Variants in ALKBH1 observed in about 807,000 individuals in gnomAD.
The protein encoded by ALKBH1 is alkB homolog 1, histone H2A dioxygenase.
A neutral mutation model predicts 36.6 loss-of-function variants in ALKBH1; 31 were observed. The observed-to-expected ratio is 0.85, with a 90% confidence interval of 0.64 to 1.14. The LOEUF (loss-of-function observed/expected upper bound fraction) is 1.14. Ranked by LOEUF, ALKBH1 falls within the 50% of genes most tolerant of loss-of-function variation. The pLI, the probability that ALKBH1 is intolerant of heterozygous loss-of-function variation, is 0.00. For missense variants in ALKBH1, 490 were observed against 497.3 expected (o/e 0.99, Z 0.14); for synonymous variants, 183 against 186.6 (o/e 0.98, Z 0.16).
At position 77,695,914 on chromosome 14, in the gene ALKBH1, G is replaced by A. The variant is rs111464055; in HGVS notation, c.293-1014C>T. Among the ~76,000 whole-genome samples, 936 of 152,112 alleles carry A rather than the reference G, an allele frequency of 6.2e-3. 9 individuals are homozygous for A. Among genetic ancestry groups the A allele is most frequent in the African/African-American group, 0.022 (906 of 41,500 alleles). On this transcript the variant is annotated intron_variant, in intron 2 of 5. Coordinates refer to ENST00000216489, the MANE Select transcript of ALKBH1 (RefSeq NM_006020.3). ...GTTTGAGACCAGCCTCGCCAACATG[G>A]TGAAACCGTCTGTACTAAAATACAA...
At chr14:77,702,888 C>A (rs1420019702) in intron 2 of ALKBH1, among the ~76,000 whole-genome samples, 1 of 152,080 alleles carries the variant, frequency 6.6e-6, no homozygotes, top group Non-Finnish European at 1.5e-5. Flanking sequence ...GGTGAGGTGT[C>A]TCACGCCTGT....
Position 77,707,983 on chromosome 14 carries a change from CG to C in ALKBH1, c.21del (p.Val8TrpfsTer55). 6.2e-7 allele frequency: 1 copy of C among 1,610,958 alleles called. No individual in the cohort carries two copies. Among genetic ancestry groups the C allele is most frequent in the Non-Finnish European group, 8.5e-7 (1 of 1,178,360 alleles). The part of the protein sequence containing the change: MGKMAA[A>X]VGSVATLATE... Reference sequence around the variant, plus strand: ...GTCGCCAGAGTCGCCACAGAGCCCACGGCCGCTGCCATCTTCCCCATCTCGC... The same window carrying C: ...GTCGCCAGAGTCGCCACAGAGCCCACGCCGCTGCCATCTTCCCCATCTCGC... On this transcript the variant is annotated frameshift_variant, in exon 1 of 6. Coordinates refer to ENST00000216489, the MANE Select transcript of ALKBH1 (RefSeq NM_006020.3). LOFTEE classifies it high-confidence loss of function.
intron 4 of ALKBH1, among the ~76,000 whole-genome samples, chr14:77,676,890 G>A (rs533925544): frequency 5.3e-5 from 8 of 152,178 alleles, no homozygotes; most frequent in Middle Eastern, 3.4e-3. Flanking sequence ...TCAAAACATC[G>A]GAACTAACTC....
intron 1 of ALKBH1, among the ~76,000 whole-genome samples, chr14:77,706,009 C>T (rs564270627): frequency 1.3e-5 from 2 of 152,184 alleles, no homozygotes; most frequent in East Asian, 3.9e-4. Flanking sequence ...GAGCCAAGAT[C>T]ACGCCACTGC....
At position 77,673,995 on chromosome 14, in the gene ALKBH1, C is replaced by T; in HGVS notation, c.987G>A (p.Val329=). Residue 329 remains valine (V), a synonymous_variant, in exon 6 of 6, where the codon GTG becomes GTA. Transcript: ENST00000216489. ...VEPCSMEDWQ[V]CASYLKTARV... ...GAGCGGTCTTCAAGTAGCTGGCACA[C>T]ACCTGCCAGTCCTCCATAGAACAAG... 9 of 1,614,202 alleles carry T rather than the reference C, an allele frequency of 5.6e-6. No homozygotes were observed. The highest frequency in any genetic ancestry group is 2.2e-5 in the East Asian group (1 of 44,872).
At chr14:77,688,448 G>A (rs1416329431) in intron 3 of ALKBH1, among the ~76,000 whole-genome samples, 1 of 151,586 alleles carries the variant, frequency 6.6e-6, no homozygotes, top group Non-Finnish European at 1.5e-5. Flanking sequence ...TAGAGACAGA[G>A]TTTCACCATG....
At position 77,687,346 on chromosome 14, in the gene ALKBH1, C is replaced by T. The variant is rs1042589996; in HGVS notation, c.456-7376G>A. Among the ~76,000 whole-genome samples the T allele has an allele frequency of 7.9e-5, 12 of 152,242 alleles. 1 individual carries two copies. The South Asian group carries it at 2.5e-3, about 32-fold the overall frequency. On this transcript the variant is annotated intron_variant, in intron 3 of 5. Coordinates refer to ENST00000216489, the MANE Select transcript of ALKBH1 (RefSeq NM_006020.3). ...GCCTTTCTCCATTAATAGAATGTTTCTTCTCATACTTTCAAGTCCTCTTCT... is the reference window on the plus strand; with the variant it reads ...GCCTTTCTCCATTAATAGAATGTTTTTTCTCATACTTTCAAGTCCTCTTCT...
chr14:77,685,673 G>A (rs1482108412), intron 3 of ALKBH1, among the ~76,000 whole-genome samples: 2 of 151,548 alleles, frequency 1.3e-5, no homozygotes, highest in East Asian at 3.9e-4. Context: ...CAGCTACTCG[G>A]GAGGCTGAGG....
intron 4 of ALKBH1, among the ~76,000 whole-genome samples, chr14:77,678,559 A>C (rs1332511340): frequency 3.4e-5 from 5 of 145,704 alleles, no homozygotes; most frequent in Non-Finnish European, 6.1e-5. Flanking sequence ...AAAAAAAAAA[A>C]AACAGACAAA....
rs1248419315 is a variant in ALKBH1, at chr14:77,673,121, T to C, written c.*691A>G. 2 of 152,180 alleles carry C rather than the reference T, an allele frequency of 1.3e-5. No individual in the cohort carries two copies. Among genetic ancestry groups the C allele is most frequent in the African/African-American group, 4.8e-5 (2 of 41,452 alleles). 9.4% of individuals were successfully genotyped at this position (152,180 alleles called of 1,614,324 possible). On this transcript the variant is annotated 3_prime_UTR_variant, in exon 6 of 6. Coordinates refer to ENST00000216489, the MANE Select transcript of ALKBH1 (RefSeq NM_006020.3). ...CCTTGGGACTTTTTTATTCCAACAA[T>C]TAAAATTGCATTAAAAAGCCAACAG...
At chr14:77,704,040 AATG>A (rs1439153263) in intron 2 of ALKBH1, among the ~76,000 whole-genome samples, 1 of 152,230 alleles carries the variant, frequency 6.6e-6, no homozygotes, top group Non-Finnish European at 1.5e-5. Flanking sequence ...CATTTATTAC[AATG>A]ATAATGATAA....
intron 2 of ALKBH1, among the ~76,000 whole-genome samples, chr14:77,702,713 T>G (rs1379704285): frequency 3.9e-5 from 6 of 152,182 alleles, no homozygotes; most frequent in Admixed American, 3.9e-4. Context: ...ACGAATCTAT[T>G]CTGCAAAATG....
chr14:77,684,174 G>C (rs1052642057), intron 3 of ALKBH1, among the ~76,000 whole-genome samples: 10 of 152,102 alleles, frequency 6.6e-5, no homozygotes, highest in Admixed American at 6.5e-4. Flanking sequence ...GCTGGGTCCA[G>C]GCCTATAAAT....
chr14:77,699,222 T>C (rs1338865393), intron 2 of ALKBH1, among the ~76,000 whole-genome samples: 1 of 152,186 alleles, frequency 6.6e-6, no homozygotes, highest in East Asian at 1.9e-4. Context: ...CTATTAGCAA[T>C]AACGACACAT....
chr14:77,690,716 C>T (rs1052471512), intron 3 of ALKBH1, among the ~76,000 whole-genome samples: 1 of 152,006 alleles, frequency 6.6e-6, no homozygotes, highest in African/African-American at 2.4e-5. Flanking sequence ...GTTAGATTTA[C>T]CTGGTCGCCT....
intron 4 of ALKBH1, among the ~76,000 whole-genome samples, chr14:77,679,546 T>C (rs1447883997): frequency 6.6e-6 from 1 of 152,064 alleles, no homozygotes; most frequent in Non-Finnish European, 1.5e-5. Context: ...TCCTCTCACC[T>C]CAGCCTCTTG....
intron 3 of ALKBH1, among the ~76,000 whole-genome samples, chr14:77,680,430 T>C (rs2080230237): frequency 6.6e-6 from 1 of 151,998 alleles, no homozygotes; most frequent in Admixed American, 6.6e-5. Flanking sequence ...AATTGCAGGT[T>C]GGGGAAAAAA....
At chr14:77,684,188 T>C (rs1189800178) in intron 3 of ALKBH1, among the ~76,000 whole-genome samples, 1 of 152,202 alleles carries the variant, frequency 6.6e-6, no homozygotes, top group Non-Finnish European at 1.5e-5. Flanking sequence ...TATAAATTCT[T>C]ATTCAGCAGG....
chr14:77,680,687 T>C (rs1566812254), intron 3 of ALKBH1, among the ~76,000 whole-genome samples: 1 of 149,664 alleles, frequency 6.7e-6, no homozygotes, highest in Non-Finnish European at 1.5e-5. Context: ...CTTTTTTTTT[T>C]TTTTTTTTTG....
Sources: gnomAD v4.1 joint callset for allele counts (sites outside exome capture counted in the v4.1 genomes callset) on GRCh38, gnomAD v4.1.1 for gene constraint, MANE v1.5 for transcripts, NCBI Gene and HGNC (gene_info 2026-07-23, HGNC 2026-07-21) for gene names.